The following CMIP variants were observed in gnomAD, a reference collection of about 807,000 sequenced individuals.
CMIP encodes c-Maf inducing protein, also known as C-Maf-inducing protein.
In CMIP, 13 loss-of-function variants were observed where a neutral mutation model predicts 97.3. That is an observed-to-expected ratio of 0.13 (90% CI 0.09 to 0.21). The LOEUF (loss-of-function observed/expected upper bound fraction) is 0.21, where lower values mean the gene tolerates loss of function less well. Among genes scored for constraint, CMIP ranks in the 10% least tolerant of loss-of-function variants. The pLI is 1.00. For synonymous variants in CMIP, 538 were observed against 436.3 expected (o/e 1.23, Z -2.91); for missense variants, 847 against 1,024.9 (o/e 0.83, Z 2.37).
intron 1 of CMIP, among the ~76,000 whole-genome samples, chr16:81,474,009 G>A (rs746483917): frequency 4.6e-5 from 7 of 152,028 alleles, no homozygotes; most frequent in Non-Finnish European, 1.0e-4. Flanking sequence ...AGACAGTTCC[G>A]AGGTGGTGCT....
intron 1 of CMIP, among the ~76,000 whole-genome samples, chr16:81,604,080 A>G (rs2091701136): frequency 6.6e-6 from 1 of 152,232 alleles, no homozygotes; most frequent in Non-Finnish European, 1.5e-5. Flanking sequence ...GGCAGTAGGC[A>G]TGCAGCTTGT....
At chr16:81,574,475 G>C (rs1037020972) in intron 1 of CMIP, among the ~76,000 whole-genome samples, 1 of 152,270 alleles carries the variant, frequency 6.6e-6, no homozygotes, top group African/African-American at 2.4e-5. Flanking sequence ...CCGTGCCCCA[G>C]GTTCAGGGCA....
At chr16:81,543,155 A>G (rs1318215330) in intron 1 of CMIP, among the ~76,000 whole-genome samples, 1 of 152,156 alleles carries the variant, frequency 6.6e-6, no homozygotes, top group Non-Finnish European at 1.5e-5. Context: ...GTGGCCTTGA[A>G]GTTGCTTCGC....
chr16:81,540,890 C>T (rs1324165681), intron 1 of CMIP, among the ~76,000 whole-genome samples: 1 of 151,700 alleles, frequency 6.6e-6, no homozygotes, highest in Admixed American at 6.6e-5. Flanking sequence ...CCGTGTTAGC[C>T]AGGATGGTCT....
intron 3 of CMIP, among the ~76,000 whole-genome samples, chr16:81,638,364 C>T (rs2092262842): frequency 6.6e-6 from 1 of 152,278 alleles, no homozygotes; most frequent in Non-Finnish European, 1.5e-5. Context: ...AATGTGTCTC[C>T]GGGCACAGCC....
At chr16:81,505,839 C>T (rs1377941148) in intron 1 of CMIP, among the ~76,000 whole-genome samples, 2 of 152,068 alleles carry the variant, frequency 1.3e-5, no homozygotes, top group East Asian at 1.9e-4. Flanking sequence ...AAATACAAAA[C>T]AAAAAATCAG....
chr16:81,635,032 G>C (rs1412884264), intron 3 of CMIP, among the ~76,000 whole-genome samples: 1 of 152,166 alleles, frequency 6.6e-6, no homozygotes, highest in African/African-American at 2.4e-5. Context: ...GGAAGGGCTA[G>C]GAAACTCGCC....
chr16:81,673,277 AG>A (rs1038001551), intron 9 of CMIP, among the ~76,000 whole-genome samples: 2 of 152,198 alleles, frequency 1.3e-5, no homozygotes, highest in Admixed American at 1.3e-4. Context: ...GCAGTTTGGA[AG>A]GCCAAGGCGG....
At chr16:81,581,565 C>T (rs1051091609) in intron 1 of CMIP, among the ~76,000 whole-genome samples, 3 of 152,204 alleles carry the variant, frequency 2.0e-5, no homozygotes, top group East Asian at 1.9e-4. Flanking sequence ...TGTGGTCCAT[C>T]GTGACCAGAA....
At chr16:81,709,627 A>T in intron 20 of CMIP, 119 bp from the exon 21 acceptor site, 1 of 1,128,420 alleles carries the variant, frequency 8.9e-7, no homozygotes, top group Non-Finnish European at 1.3e-6. Flanking sequence ...AGCCCACAGC[A>T]CCAAGGTGGG....
chr16:81,606,865 G>C (rs1346523575), intron 1 of CMIP: 1 of 154,974 alleles, frequency 6.5e-6, no homozygotes, highest in Non-Finnish European at 1.5e-5. Flanking sequence ...GATGAGACCT[G>C]GAGAGTAGAA....
intron 10 of CMIP, chr16:81,691,559 A>T: frequency 1.7e-6 from 1 of 593,784 alleles, no homozygotes; most frequent in Non-Finnish European, 3.0e-6. Flanking sequence ...CTCGGGTGCC[A>T]TGAGGAAGTC....
chr16:81,608,876 T>C (rs2091785591), intron 2 of CMIP, among the ~76,000 whole-genome samples: 1 of 152,208 alleles, frequency 6.6e-6, no homozygotes. Context: ...TAACTTGTTT[T>C]TCCAGGGAAA....
intron 1 of CMIP, among the ~76,000 whole-genome samples, chr16:81,542,899 G>A (rs971631943): frequency 3.3e-5 from 5 of 152,200 alleles, no homozygotes; most frequent in East Asian, 1.9e-4. Flanking sequence ...CCATAGCACC[G>A]TCCCTAGCAC....
At chr16:81,473,746 C>G (rs999020635) in intron 1 of CMIP, among the ~76,000 whole-genome samples, 62 of 151,028 alleles carry the variant, frequency 4.1e-4, no homozygotes, top group African/African-American at 1.3e-3. Context: ...TGAGCAGAAG[C>G]TGCAAGCGGA....
At chr16:81,482,785 C>T (rs1232695960) in intron 1 of CMIP, among the ~76,000 whole-genome samples, 1 of 152,232 alleles carries the variant, frequency 6.6e-6, no homozygotes, top group Non-Finnish European at 1.5e-5. Flanking sequence ...CCAAACTCCA[C>T]CACATCCTAA....
intron 1 of CMIP, among the ~76,000 whole-genome samples, chr16:81,581,183 G>A (rs1423577999): frequency 2.6e-5 from 4 of 152,200 alleles, no homozygotes; most frequent in African/African-American, 4.8e-5. Context: ...ATCTGTTGAT[G>A]GACGTTTGTG....
intron 1 of CMIP, chr16:81,495,512 G>T: frequency 6.2e-7 from 1 of 1,612,392 alleles, no homozygotes; most frequent in Non-Finnish European, 8.5e-7. Context: ...CCCATGTGGG[G>T]AACGACTCTG....
At position 81,652,902 on chromosome 16, in the gene CMIP, G is replaced by C. The variant is rs907588009; in HGVS notation, c.639+538G>C. Among the ~76,000 whole-genome samples the C allele has an allele frequency of 1.3e-5, 2 of 152,074 alleles. No individual in the cohort carries two copies. The highest frequency in any genetic ancestry group is 4.8e-5 in the African/African-American group (2 of 41,394). On this transcript the variant is annotated intron_variant, in intron 4 of 20. Coordinates refer to ENST00000537098, the MANE Select transcript of CMIP (RefSeq NM_198390.3). This position sits in a 1 kb window ranked among gnomAD's most constrained non-coding sequence, Gnocchi z 5.2. The stretch of plus-strand genomic sequence containing the variant: ...TGCCATCTGCTTTGCTGGCCTCCTC[G>C]CATATTGAATGTGTGCTTTGTGCCA...
Sources: gnomAD v4.1 joint callset for allele counts (sites outside exome capture counted in the v4.1 genomes callset) on GRCh38, gnomAD v4.1.1 for gene constraint, Gnocchi (gnomAD v3.1) non-coding constraint, MANE v1.5 for transcripts, NCBI Gene and HGNC (gene_info 2026-07-23, HGNC 2026-07-21) for gene names.